Variants in ERICH1 observed in about 807,000 individuals in gnomAD.
ERICH1 encodes glutamate rich 1, also known as glutamate-rich protein 1.
Under a neutral mutation model 39.6 loss-of-function variants are expected in ERICH1, and 56 were observed. That is an observed-to-expected ratio of 1.41 (90% CI 1.14 to 1.77). The LOEUF is 1.77. Among genes scored for constraint, ERICH1 ranks in the 40% most tolerant of loss-of-function variants. The pLI, the probability that ERICH1 is intolerant of heterozygous loss-of-function variation, is 0.00. For missense variants in ERICH1, 826 were observed against 575.4 expected, an observed-to-expected ratio of 1.44 and a Z score of -4.45; for synonymous variants, 313 against 223.6, an observed-to-expected ratio of 1.40 and a Z score of -3.57.
chr8:615,108 T>G, exon 4 of ERICH1: 1 of 601,860 alleles, frequency 1.7e-6, no homozygotes, highest in Non-Finnish European at 2.9e-6. Flanking sequence ...TTGCAAAGCT[T>G]GCTGCATCTG....
At chr8:670,351 C>T (rs993745394) in intron 4 of ERICH1, among the ~76,000 whole-genome samples, 9 of 152,060 alleles carry the variant, frequency 5.9e-5, no homozygotes, top group African/African-American at 9.7e-5. Flanking sequence ...TCGTGGTTTT[C>T]GGTGCTGTGG....
At chr8:616,860 C>A (rs1435798713) in intron 3 of ERICH1, among the ~76,000 whole-genome samples, 1 of 101,316 alleles carries the variant, frequency 9.9e-6, no homozygotes, top group Non-Finnish European at 1.9e-5. Context: ...CAGAAAGAGA[C>A]AGAGAGAGAG....
intron 3 of ERICH1, among the ~76,000 whole-genome samples, chr8:657,260 G>A (rs1800776932): frequency 6.6e-6 from 1 of 152,192 alleles, no homozygotes; most frequent in African/African-American, 2.4e-5. Flanking sequence ...TCGGTCAGGA[G>A]CCTTTTCTCT....
At chr8:670,261 T>G (rs1420126663) in intron 4 of ERICH1, among the ~76,000 whole-genome samples, 1 of 152,164 alleles carries the variant, frequency 6.6e-6, no homozygotes, top group Non-Finnish European at 1.5e-5. Context: ...ATGCTCCAAT[T>G]TTTCCTTTTT....
rs374575773 is a variant in ERICH1 at position 616,888 on chromosome 8, GACACACACACACAC to G, written c.977-1618_977-1605del. 3.0e-3 allele frequency among the ~76,000 whole-genome samples: 197 copies of G among 65,886 alleles called. 14 individuals are homozygous for G. Among genetic ancestry groups the G allele is most frequent in the African/African-American group, 0.015 (173 of 11,614 alleles). The allele number at this position is 65,886 out of a possible 152,430, so 43.2% of individuals were successfully genotyped here. Reference sequence around the variant, plus strand: ...AGAGAGAGAGGGAGAGGGAGACAGAGACACACACACACACAGAGAGAGAGAGAGAGACAGAAAGA... The same window carrying G: ...AGAGAGAGAGGGAGAGGGAGACAGAGAGAGAGAGAGAGAGAGACAGAAAGA... On this transcript the variant is annotated intron_variant, in intron 3 of 3. Coordinates refer to the ERICH1 transcript ENST00000522706.
intron 3 of ERICH1, among the ~76,000 whole-genome samples, chr8:628,175 G>A (rs1358493313): frequency 3.3e-5 from 5 of 152,218 alleles, no homozygotes; most frequent in African/African-American, 1.2e-4. Flanking sequence ...GGCTCTGGAA[G>A]TGCTGTGTGT....
intron 5 of ERICH1, among the ~76,000 whole-genome samples, chr8:665,819 C>G (rs1363155255): frequency 6.6e-6 from 1 of 152,200 alleles, no homozygotes; most frequent in Admixed American, 6.5e-5. Context: ...ACGTGACCAG[C>G]AGAAAACACC....
chr8:687,726 G>C (rs1399726364), intron 3 of ERICH1, among the ~76,000 whole-genome samples: 3 of 152,264 alleles, frequency 2.0e-5, no homozygotes, highest in African/African-American at 7.2e-5. Context: ...TGCGGCCAGT[G>C]CCCGCCGCGC....
chr8:649,638 G>T (rs1299075866), intron 3 of ERICH1, among the ~76,000 whole-genome samples: 1 of 152,110 alleles, frequency 6.6e-6, no homozygotes, highest in South Asian at 2.1e-4. Flanking sequence ...CGGCTGCTGT[G>T]AGCCCTTCCT....
chr8:687,585 G>A (rs997739432), intron 3 of ERICH1, among the ~76,000 whole-genome samples: 2 of 152,190 alleles, frequency 1.3e-5, no homozygotes, highest in Non-Finnish European at 2.9e-5. Context: ...AGCGGCGCAG[G>A]GAGCAGGACT....
intron 2 of ERICH1, among the ~76,000 whole-genome samples, chr8:708,697 T>TTTTTG (rs1813980894): frequency 2.9e-5 from 4 of 139,042 alleles, no homozygotes; most frequent in Non-Finnish European, 4.7e-5. Context: ...TTTTTTTTTT[T>TTTTTG]TTTTTTTTTT....
intron 3 of ERICH1, among the ~76,000 whole-genome samples, chr8:691,374 T>G (rs1022774804): frequency 3.9e-5 from 6 of 152,254 alleles, no homozygotes; most frequent in African/African-American, 1.2e-4. Context: ...GGAAGCAGTG[T>G]TGGCTCATGG....
intron 3 of ERICH1, among the ~76,000 whole-genome samples, chr8:686,088 A>C (rs1807288206): frequency 6.6e-6 from 1 of 151,978 alleles, no homozygotes; most frequent in African/African-American, 2.4e-5. Flanking sequence ...TAAACCCAGA[A>C]GGCAGAGGGT....
At chr8:627,657 G>T (rs775136452) in intron 3 of ERICH1, among the ~76,000 whole-genome samples, 1 of 152,184 alleles carries the variant, frequency 6.6e-6, no homozygotes, top group African/African-American at 2.4e-5. Context: ...GTGCCTCCCT[G>T]CACCACCTGA....
chr8:639,156 C>G (rs1013808485), intron 3 of ERICH1, among the ~76,000 whole-genome samples: 1 of 152,078 alleles, frequency 6.6e-6, no homozygotes, highest in Non-Finnish European at 1.5e-5. Context: ...GCCCAAAGCC[C>G]GGGTCTTGGA....
intron 3 of ERICH1, among the ~76,000 whole-genome samples, chr8:687,846 C>T (rs1037878793): frequency 6.6e-6 from 1 of 152,144 alleles, no homozygotes; most frequent in Non-Finnish European, 1.5e-5. Context: ...CCGGATGCAG[C>T]GGTCCCGCCC....
intron 3 of ERICH1, among the ~76,000 whole-genome samples, chr8:636,192 A>AGCTGAATCCCTGCGCCCC (rs1164916826): frequency 6.6e-6 from 1 of 152,096 alleles, no homozygotes; most frequent in Non-Finnish European, 1.5e-5. Context: ...CCCTGGGCCG[A>AGCTGAATCCCTGCGCCCC]GCTGAATCCC....
downstream of ERICH1, among the ~76,000 whole-genome samples, chr8:661,997 C>T (rs1217091770): frequency 6.6e-6 from 1 of 152,200 alleles, no homozygotes; most frequent in Non-Finnish European, 1.5e-5. Flanking sequence ...CACACATGAC[C>T]CACCACCCCT....
chr8:664,066 T>C (rs1371009081), downstream of ERICH1: 3 of 249,874 alleles, frequency 1.2e-5, no homozygotes, highest in Non-Finnish European at 1.3e-5. Context: ...GCCTGACTGA[T>C]GCTTTTAACA....
Sources: gnomAD v4.1 joint callset for allele counts (sites outside exome capture counted in the v4.1 genomes callset) on GRCh38, gnomAD v4.1.1 for gene constraint, MANE v1.5 for transcripts, NCBI Gene and HGNC (gene_info 2026-07-23, HGNC 2026-07-21) for gene names.